The following PCDHGA8 variants were observed in gnomAD, a reference collection of about 807,000 sequenced individuals.
The protein encoded by PCDHGA8 is protocadherin gamma subfamily A, 8.
In PCDHGA8, 45 loss-of-function variants were observed where a neutral mutation model predicts 59.2. The ratio of observed to expected loss-of-function variants is 0.76; its 90% CI spans 0.60 to 0.98. The LOEUF is 0.98. Ranked by LOEUF, PCDHGA8 falls within the 50% of genes least tolerant of loss-of-function variation. The probability of loss-of-function intolerance (pLI) is 0.00; values close to 1 mark genes in which losing one functional copy is unlikely to be tolerated. For synonymous variants in PCDHGA8, 531 were observed against 519.0 expected (o/e 1.02, Z -0.32); for missense variants, 1,257 against 1,196.2 (o/e 1.05, Z -0.75).
Position 141,393,114 on chromosome 5 carries a change from CG to C in PCDHGA8, c.303del (p.Cys102ValfsTer2). 1 of 1,613,418 alleles carries C rather than the reference CG, an allele frequency of 6.2e-7. No individual in the cohort carries two copies. The highest frequency in any genetic ancestry group is 8.5e-7 in the Non-Finnish European group (1 of 1,179,890). ...GGAGGAGCTCTGCGCTCAGAGCCCG[CG>C]GTGTCTGATAAATATTAACACCCTG... ...DREELCAQSPRCLININTLVE... is the reference protein window; with the variant it reads ...DREELCAQSPXCLININTLVE... On this transcript the variant is annotated frameshift_variant, in exon 1 of 4. Transcript: ENST00000398604. LOFTEE classifies it high-confidence loss of function.
Position 141,477,656 on chromosome 5 carries a change from C to T in PCDHGA8, c.2425-17151C>T, listed in dbSNP as rs755621234. The T allele has an allele frequency of 1.9e-6, 3 of 1,614,184 alleles. No homozygotes were observed. The South Asian group carries it at 3.3e-5, about 18-fold the overall frequency. ...AGTGGGTCGCTATTTCACAATAAATCGTGACAATGGCATAGTGTCATCCTT... is the reference window on the plus strand; with the variant it reads ...AGTGGGTCGCTATTTCACAATAAATTGTGACAATGGCATAGTGTCATCCTT... On this transcript the variant is annotated intron_variant, in intron 1 of 3. Transcript: ENST00000398604. The surrounding 1 kb of genome is among the most constrained non-coding windows in gnomAD (Gnocchi z 4.9).
chr5:141,432,601 G>C lies in PCDHGA8; in HGVS notation c.2424+37364G>C. The C allele has an allele frequency of 6.2e-7, 1 of 1,613,952 alleles. No homozygotes were observed. The highest frequency in any genetic ancestry group is 8.5e-7 in the Non-Finnish European group (1 of 1,179,984). On this transcript the variant is annotated intron_variant, in intron 1 of 3. Coordinates refer to ENST00000398604, the MANE Select transcript of PCDHGA8 (RefSeq NM_032088.2). The surrounding 1 kb of genome is among the most constrained non-coding windows in gnomAD (Gnocchi z 6.0). ...ACCGTCTGCTCAAGGCCAGCGAGCC[G>C]GGACTCTTCTCGGTGGGTCTGCACA...
rs369551410 is a variant in PCDHGA8, at chr5:141,415,294, G to A, written c.2424+20057G>A. ...GGTAGCGGTGGCCGCGGTCTCCTGC[G>A]TCTTCCTGGCCTTCGTCATCGTGCT... On this transcript the variant is annotated intron_variant, in intron 1 of 3. Transcript: ENST00000398604. 10 of 1,614,050 alleles carry A rather than the reference G, an allele frequency of 6.2e-6. No homozygotes were observed. In the African/African-American group the frequency reaches 1.1e-4, roughly 17 times the overall value.
Position 141,491,650 on chromosome 5 carries a change from G to C in PCDHGA8, c.2425-3157G>C, listed in dbSNP as rs1283977913. On this transcript the variant is annotated intron_variant, in intron 1 of 3. Coordinates refer to ENST00000398604, the MANE Select transcript of PCDHGA8 (RefSeq NM_032088.2). The surrounding 1 kb of genome is among the most constrained non-coding windows in gnomAD (Gnocchi z 6.9). ...TCAGCAGCCCACAGCTCTGGCGCTG[G>C]AGCCTGACGCCATCCGGTCCCGCTC... The C allele has an allele frequency of 6.2e-7, 1 of 1,613,876 alleles. No individual in the cohort carries two copies. The highest frequency in any genetic ancestry group is 1.7e-5 in the Admixed American group (1 of 60,034).
chr5:141,405,815 T>C (rs755764286), intron 1 of PCDHGA8, among the ~76,000 whole-genome samples: 14 of 103,812 alleles, frequency 1.3e-4, no homozygotes, highest in Non-Finnish European at 2.3e-4. Flanking sequence ...TCTTTAACTG[T>C]CTGTACTTAA....
intron 1 of PCDHGA8, among the ~76,000 whole-genome samples, chr5:141,444,058 C>A (rs2154560450): frequency 6.8e-6 from 1 of 147,774 alleles, no homozygotes; most frequent in East Asian, 2.0e-4. Context: ...CATCTTCAAT[C>A]TAGATTCTGA....
chr5:141,480,660 C>T (rs535356928), intron 1 of PCDHGA8, among the ~76,000 whole-genome samples: 2 of 152,170 alleles, frequency 1.3e-5, no homozygotes, highest in Non-Finnish European at 2.9e-5. Flanking sequence ...ACATTAAAAT[C>T]ACCTAGAGAC....
intron 1 of PCDHGA8, chr5:141,405,415 G>GT (rs757320616): frequency 1.9e-6 from 3 of 1,559,568 alleles, no homozygotes; most frequent in South Asian, 2.3e-5. Context: ...TTCTTTTTTT[G>GT]TTTTTTGTTT....
chr5:141,407,989 T>G, intron 1 of PCDHGA8: 1 of 833,618 alleles, frequency 1.2e-6, no homozygotes, highest in Non-Finnish European at 1.8e-6. Flanking sequence ...TCCGTCAGCC[T>G]CTGGCCTGGG....
At position 141,477,626 on chromosome 5, in the gene PCDHGA8, G is replaced by A. The variant is rs201987467; in HGVS notation, c.2425-17181G>A. The A allele has an allele frequency of 1.9e-5, 31 of 1,614,052 alleles. No individual in the cohort carries two copies. The highest frequency in any genetic ancestry group is 2.5e-5 in the Non-Finnish European group (30 of 1,180,044). Reference sequence around the variant, plus strand: ...TCTCTTGGAGCAAGGAGCTGAAACCGGGCTAGTGGGTCGCTATTTCACAAT... The same window carrying A: ...TCTCTTGGAGCAAGGAGCTGAAACCAGGCTAGTGGGTCGCTATTTCACAAT... On this transcript the variant is annotated intron_variant, in intron 1 of 3. Transcript: ENST00000398604. This position sits in a 1 kb window ranked among gnomAD's most constrained non-coding sequence, Gnocchi z 4.9.
At position 141,489,586 on chromosome 5, in the gene PCDHGA8, C is replaced by T; in HGVS notation, c.2425-5221C>T. 1 of 1,614,082 alleles carries T rather than the reference C, an allele frequency of 6.2e-7. No individual in the cohort carries two copies. The highest frequency in any genetic ancestry group is 8.5e-7 in the Non-Finnish European group (1 of 1,179,988). On this transcript the variant is annotated intron_variant, in intron 1 of 3. Coordinates refer to ENST00000398604, the MANE Select transcript of PCDHGA8 (RefSeq NM_032088.2). This position sits in a 1 kb window ranked among gnomAD's most constrained non-coding sequence, Gnocchi z 4.5. ...GGTGGTGACTGAACACCCCCTGGAG[C>T]TAATCCGTGTAGAGGTAGAGATCCT...
chr5:141,422,188 C>T, intron 1 of PCDHGA8: 1 of 1,561,742 alleles, frequency 6.4e-7, no homozygotes. Context: ...GATGGAAATT[C>T]AAGGCCAAGA....
chr5:141,507,101 T>C (rs1341285140), intron 3 of PCDHGA8: 2 of 152,204 alleles, frequency 1.3e-5, no homozygotes, highest in African/African-American at 2.4e-5. Flanking sequence ...CTTTCTACTA[T>C]AGGGACCATG....
At chr5:141,483,207 A>G (rs1225621725) in intron 1 of PCDHGA8, among the ~76,000 whole-genome samples, 1 of 152,224 alleles carries the variant, frequency 6.6e-6, no homozygotes, top group African/African-American at 2.4e-5. Context: ...TATTCCATAT[A>G]GATGACAGTC....
Position 141,431,756 on chromosome 5 carries a change from G to T in PCDHGA8, c.2424+36519G>T. The T allele has an allele frequency of 6.2e-7, 1 of 1,614,236 alleles. No individual in the cohort carries two copies. Among genetic ancestry groups the T allele is most frequent in the South Asian group, 1.1e-5 (1 of 91,088 alleles). On this transcript the variant is annotated intron_variant, in intron 1 of 3. Transcript: ENST00000398604. This position sits in a 1 kb window ranked among gnomAD's most constrained non-coding sequence, Gnocchi z 4.8. Reference sequence around the variant, plus strand: ...TGCAGGATATTCTGCGCGAGCCAAAGTCCTGATCACTGTTCTGGACGTGAA... The same window carrying T: ...TGCAGGATATTCTGCGCGAGCCAAATTCCTGATCACTGTTCTGGACGTGAA...
chr5:141,393,056 C>T lies in PCDHGA8; in HGVS notation c.243C>T (p.Ser81=). 2 of 1,613,606 alleles carry T rather than the reference C, an allele frequency of 1.2e-6. No homozygotes were observed. Among genetic ancestry groups the T allele is most frequent in the Non-Finnish European group, 1.7e-6 (2 of 1,179,876 alleles). The change falls in exon 1 of 4, where the codon AGC becomes AGT. Residue 81 remains serine (S), a synonymous_variant. Coordinates refer to ENST00000398604, the MANE Select transcript of PCDHGA8 (RefSeq NM_032088.2). ...AGCTCTTTGCTCTGAACCCGCGCAG[C>T]GGCAGCTTGATCACCGCGGGCAGGA... is the stretch of plus-strand genomic sequence containing the variant. ...RTQLFALNPR[S]GSLITAGRID...
chr5:141,405,265 C>T lies in PCDHGA8; in HGVS notation c.2424+10028C>T, dbSNP rs769240639. The T allele has an allele frequency of 4.3e-6, 7 of 1,614,106 alleles. No homozygotes were observed. In the Admixed American group the frequency reaches 1.2e-4, roughly 27 times the overall value. Reference sequence around the variant, plus strand: ...CAAGGAAGAGTCACCTGATCTTCCCCCAGCCCAACTATGCAGACACACTCA... The same window carrying T: ...CAAGGAAGAGTCACCTGATCTTCCCTCAGCCCAACTATGCAGACACACTCA... On this transcript the variant is annotated intron_variant, in intron 1 of 3. Coordinates refer to ENST00000398604, the MANE Select transcript of PCDHGA8 (RefSeq NM_032088.2).
chr5:141,459,510 T>G (rs1449866159), intron 1 of PCDHGA8, among the ~76,000 whole-genome samples: 1 of 152,252 alleles, frequency 6.6e-6, no homozygotes, highest in Non-Finnish European at 1.5e-5. Context: ...TGAACAATCA[T>G]GTACAAGTAT....
At chr5:141,467,431 C>T (rs1452587540) in intron 1 of PCDHGA8, among the ~76,000 whole-genome samples, 1 of 152,170 alleles carries the variant, frequency 6.6e-6, no homozygotes, top group African/African-American at 2.4e-5. Flanking sequence ...GTTATAGAAA[C>T]ATTCATTACT....
Sources: allele counts gnomAD v4.1 joint callset (sites outside exome capture counted in the v4.1 genomes callset), GRCh38; gene constraint gnomAD v4.1.1; non-coding constraint Gnocchi (gnomAD v3.1); transcripts MANE v1.5; gene names NCBI Gene and HGNC (gene_info 2026-07-23, HGNC 2026-07-21).